Variants in FAM149B1 observed in about 807,000 individuals in gnomAD.
FAM149B1 encodes family with sequence similarity 149 member B1, also known as primary cilium assembly protein FAM149B1.
In FAM149B1, 56 loss-of-function variants were observed where a neutral mutation model predicts 75.3. The ratio of observed to expected loss-of-function variants is 0.74; its 90% CI spans 0.60 to 0.93. FAM149B1 has a LOEUF of 0.93. Among genes scored for constraint, FAM149B1 ranks in the 40% least tolerant of loss-of-function variants. FAM149B1 has a pLI of 0.00. For synonymous variants in FAM149B1, 259 were observed against 256.1 expected (o/e 1.01, Z -0.11); for missense variants, 639 against 708.4 (o/e 0.90, Z 1.11).
At chr10:73,204,129 A>AT (rs1420113917) in intron 5 of FAM149B1, among the ~76,000 whole-genome samples, 2 of 151,046 alleles carry the variant, frequency 1.3e-5, no homozygotes, top group East Asian at 3.9e-4. Flanking sequence ...AACTATTATT[A>AT]TTTTTTTGTG....
chr10:73,170,723 T>A (rs1048248949), intron 1 of FAM149B1, among the ~76,000 whole-genome samples: 1 of 152,128 alleles, frequency 6.6e-6, no homozygotes, highest in South Asian at 2.1e-4. Flanking sequence ...TAGTTCCTAG[T>A]AAACTCTTTG....
intron 3 of FAM149B1, among the ~76,000 whole-genome samples, chr10:73,183,936 A>G (rs1358893606): frequency 6.6e-6 from 1 of 152,216 alleles, no homozygotes; most frequent in Non-Finnish European, 1.5e-5. Flanking sequence ...TAGGAAAAAC[A>G]GTTGCTCAGA....
chr10:73,224,537 T>A (rs2043491954), intron 7 of FAM149B1, among the ~76,000 whole-genome samples: 1 of 150,098 alleles, frequency 6.7e-6, no homozygotes, highest in Non-Finnish European at 1.5e-5. Flanking sequence ...AGTGGTGTGA[T>A]CTCGGCTCAC....
chr10:73,219,346 G>GT, intron 7 of FAM149B1, among the ~76,000 whole-genome samples: 1 of 152,242 alleles, frequency 6.6e-6, no homozygotes, highest in East Asian at 1.9e-4. Flanking sequence ...TAGATCTACA[G>GT]TTTCAGTACA....
chr10:73,230,535 T>G lies in FAM149B1; in HGVS notation c.1127+10T>G, dbSNP rs370741909. On this transcript the variant is annotated intron_variant, in intron 9 of 13. Coordinates refer to ENST00000242505, the MANE Select transcript of FAM149B1 (RefSeq NM_173348.2). Reference sequence around the variant, plus strand: ...TAATGGACAAGCTCCTGTAAGAAGTTCAACATTTTCAGACTATACAGTGTA... The same window carrying G: ...TAATGGACAAGCTCCTGTAAGAAGTGCAACATTTTCAGACTATACAGTGTA... The G allele has an allele frequency of 2.4e-4, 322 of 1,367,378 alleles. 2 individuals carry two copies. In the East Asian group the frequency reaches 7.1e-3, roughly 30 times the overall value. The allele number at this position is 1,367,378 out of a possible 1,614,324, so 84.7% of individuals were successfully genotyped here.
Position 73,192,561 on chromosome 10 carries a change from C to G in FAM149B1, c.288C>G (p.Leu96=). The G allele has an allele frequency of 6.5e-7, 1 of 1,549,888 alleles. No individual in the cohort carries two copies. The highest frequency in any genetic ancestry group is 2.4e-5 in the East Asian group (1 of 40,866). ...SSDFSWGYGE[L]DQNATEKVQT... Reference sequence around the variant, plus strand: ...GGGGGAATATTTTCTTCTAGGAACTCGATCAAAATGCCACTGAAAAAGTCC... The same window carrying G: ...GGGGGAATATTTTCTTCTAGGAACTGGATCAAAATGCCACTGAAAAAGTCC... Residue 96 remains leucine (L), a synonymous_variant, in exon 4 of 14, where the codon CTC becomes CTG. Transcript: ENST00000242505.
chr10:73,221,521 AT>A (rs1378263474), intron 7 of FAM149B1, among the ~76,000 whole-genome samples: 1 of 151,994 alleles, frequency 6.6e-6, no homozygotes, highest in Non-Finnish European at 1.5e-5. Context: ...TGTCATCCTT[AT>A]CTTTGTTCCT....
intron 7 of FAM149B1, among the ~76,000 whole-genome samples, chr10:73,214,384 C>T (rs1456546609): frequency 1.3e-5 from 2 of 152,072 alleles, no homozygotes; most frequent in African/African-American, 4.8e-5. Context: ...CTTGTTCTAG[C>T]TTTAGGGAAT....
intron 7 of FAM149B1, among the ~76,000 whole-genome samples, chr10:73,216,309 G>C (rs1410077221): frequency 6.6e-6 from 1 of 151,978 alleles, no homozygotes; most frequent in Non-Finnish European, 1.5e-5. Context: ...TGAGTTTCTT[G>C]TAGGCAGCAT....
chr10:73,235,488 T>C (rs894707403), intron 12 of FAM149B1, 170 bp downstream of exon 12: 2 of 1,404,236 alleles, frequency 1.4e-6, no homozygotes, highest in South Asian at 1.5e-5. Flanking sequence ...TTCTAACTAG[T>C]CCCTGATGCC....
At chr10:73,227,870 G>A (rs2043589904) in intron 7 of FAM149B1, among the ~76,000 whole-genome samples, 190 bp from the exon 8 acceptor site, 1 of 152,166 alleles carries the variant, frequency 6.6e-6, no homozygotes, top group Admixed American at 6.5e-5. Flanking sequence ...CATCAGCCTG[G>A]GAAACCACTT....
At chr10:73,169,159 CA>C (rs10708168) in intron 1 of FAM149B1, 100,868 of 127,666 alleles carry the variant, frequency 0.79, 41,136 homozygotes, top group Non-Finnish European at 0.9. Context: ...ACTAAAAATG[CA>C]AAAAAAAAAA....
chr10:73,235,413 G>A, intron 12 of FAM149B1, 95 bp downstream of exon 12: 1 of 1,492,158 alleles, frequency 6.7e-7, no homozygotes, highest in South Asian at 1.3e-5. Flanking sequence ...TTATCTAGAG[G>A]CTTAACCCAG....
At chr10:73,199,502 C>T (rs1050289018) in intron 5 of FAM149B1, among the ~76,000 whole-genome samples, 3 of 152,118 alleles carry the variant, frequency 2.0e-5, no homozygotes, top group African/African-American at 7.2e-5. Context: ...CAGGCGTGAG[C>T]CACTGTGCCT....
intron 1 of FAM149B1, among the ~76,000 whole-genome samples, chr10:73,174,006 A>G (rs959324367): frequency 4.6e-5 from 7 of 152,202 alleles, no homozygotes; most frequent in Admixed American, 6.5e-5. Flanking sequence ...GCATGTATCA[A>G]TAGTTTATTT....
chr10:73,243,542 A>G lies in FAM149B1; in HGVS notation c.*2523A>G. On this transcript the variant is annotated 3_prime_UTR_variant, in exon 14 of 14. Coordinates refer to ENST00000242505, the MANE Select transcript of FAM149B1 (RefSeq NM_173348.2). The stretch of plus-strand genomic sequence containing the variant: ...GCTCTGTTTGAGAAGTTAAAACACA[A>G]GCTTTCACAACATTATCCATAGACA... 6.2e-7 allele frequency: 1 copy of G among 1,613,610 alleles called. No individual in the cohort carries two copies. Among genetic ancestry groups the G allele is most frequent in the Non-Finnish European group, 8.5e-7 (1 of 1,179,884 alleles).
chr10:73,235,445 A>C lies in FAM149B1; in HGVS notation c.1602+127A>C, dbSNP rs1027953913. ...CCAGAATAAAAGTTGAGTTTCCAAC[A>C]ATAAAAAGTGTTATAAATACATTTT... On this transcript the variant is annotated intron_variant, in intron 12 of 13. Coordinates refer to ENST00000242505, the MANE Select transcript of FAM149B1 (RefSeq NM_173348.2). 4 of 1,460,046 alleles carry C rather than the reference A, an allele frequency of 2.7e-6. No individual in the cohort carries two copies. In the African/African-American group the frequency reaches 5.7e-5, roughly 21 times the overall value. 90.4% of individuals were successfully genotyped at this position (1,460,046 alleles called of 1,614,324 possible). A position where few individuals can be genotyped will look rare whatever the true frequency, so the allele number is the denominator to read the frequency against.
chr10:73,205,319 G>A (rs191538448), intron 5 of FAM149B1, among the ~76,000 whole-genome samples: 13 of 147,848 alleles, frequency 8.8e-5, no homozygotes, highest in Non-Finnish European at 1.5e-4. Flanking sequence ...TCATTTAGAA[G>A]TGTGCGGCAC....
intron 7 of FAM149B1, 94 bp downstream of exon 7, chr10:73,210,532 G>C: frequency 1.2e-6 from 1 of 845,084 alleles, no homozygotes; most frequent in South Asian, 1.8e-5. Context: ...TAGTGCAAAA[G>C]GTGCGTATGG....
Sources: gnomAD v4.1 joint callset for allele counts (sites outside exome capture counted in the v4.1 genomes callset) on GRCh38, gnomAD v4.1.1 for gene constraint, MANE v1.5 for transcripts, NCBI Gene and HGNC (gene_info 2026-07-23, HGNC 2026-07-21) for gene names.